The following EXOSC1 variants were observed in gnomAD, a reference collection of about 807,000 sequenced individuals.
The protein encoded by EXOSC1 is exosome component 1.
In EXOSC1, 27 loss-of-function variants were observed where a neutral mutation model predicts 31.4. That is an observed-to-expected ratio of 0.86 (90% CI 0.63 to 1.18). The LOEUF (loss-of-function observed/expected upper bound fraction) is 1.18. Ranked by LOEUF, EXOSC1 falls within the 50% of genes most tolerant of loss-of-function variation. The probability of loss-of-function intolerance (pLI) is 0.00; values close to 1 mark genes in which losing one functional copy is unlikely to be tolerated. For missense variants in EXOSC1, 228 were observed against 250.3 expected, an observed-to-expected ratio of 0.91 and a Z score of 0.60; for synonymous variants, 84 against 89.5, an observed-to-expected ratio of 0.94 and a Z score of 0.35.
At chr10:97,445,683 G>A in intron 2 of EXOSC1, 49 bp downstream of exon 2, 2 of 1,570,028 alleles carry the variant, frequency 1.3e-6, no homozygotes, top group East Asian at 2.3e-5. Flanking sequence ...GGAACTCAAG[G>A]GCAGCCTAAG....
At chr10:97,437,851 G>C in intron 5 of EXOSC1, 101 bp from the exon 6 acceptor site, 3 of 952,022 alleles carry the variant, frequency 3.2e-6, no homozygotes, top group Non-Finnish European at 5.0e-6. Flanking sequence ...TAATCCTGGA[G>C]GGTAGAAATC....
rs1296371352 is a variant in EXOSC1, at chr10:97,441,785, C to T, written c.223-526G>A. Among the ~76,000 whole-genome samples, 73 of 145,776 alleles carry T rather than the reference C, an allele frequency of 5.0e-4. No individual in the cohort carries two copies. In the Middle Eastern group the frequency reaches 0.029, roughly 58 times the overall value. On this transcript the variant is annotated intron_variant, in intron 3 of 7. Coordinates refer to ENST00000370902, the MANE Select transcript of EXOSC1 (RefSeq NM_016046.5). ...GATTACAGGTGTAAGCCACTGCATC[C>T]GGCTGGGTTTTTTTTTTTTTTTTTA... is the stretch of plus-strand genomic sequence containing the variant.
intron 5 of EXOSC1, 58 bp downstream of exon 5, chr10:97,438,612 A>G: frequency 6.5e-7 from 1 of 1,529,668 alleles, no homozygotes; most frequent in Non-Finnish European, 9.0e-7. Context: ...GCCTGAGATA[A>G]TACTTTTAAG....
chr10:97,436,425 A>G lies in EXOSC1; in HGVS notation c.*20T>C, dbSNP rs769017478. ...ACTCAGGAACAGCTTACCCCCTTCC[A>G]TAGGGTAAAAAGTGGCTTCTTAGGT... On this transcript the variant is annotated 3_prime_UTR_variant, in exon 8 of 8. Coordinates refer to ENST00000370902, the MANE Select transcript of EXOSC1 (RefSeq NM_016046.5). 1.3e-6 allele frequency: 2 copies of G among 1,570,608 alleles called. No individual in the cohort carries two copies. Among genetic ancestry groups the G allele is most frequent in the Non-Finnish European group, 1.8e-6 (2 of 1,141,118 alleles).
rs532581302 is a variant in EXOSC1, at chr10:97,442,523, T to TA, written c.222+713dup. 5.3e-5 allele frequency among the ~76,000 whole-genome samples: 8 copies of TA among 152,310 alleles called. No homozygotes were observed. In the South Asian group the frequency reaches 1.7e-3, roughly 32 times the overall value. ...CTAATGTGACTAAGGAAATCAATTT[T>TA]ATTTTTTTCTTGAGAGACAGAGTCT... On this transcript the variant is annotated intron_variant, in intron 3 of 7. Coordinates refer to ENST00000370902, the MANE Select transcript of EXOSC1 (RefSeq NM_016046.5).
At chr10:97,442,737 C>T (rs769920105) in intron 3 of EXOSC1, among the ~76,000 whole-genome samples, 1 of 152,096 alleles carries the variant, frequency 6.6e-6, no homozygotes, top group African/African-American at 2.4e-5. Context: ...CCAGGCTGGA[C>T]TGCTGTGACG....
In EXOSC1 at chr10:97,436,351, T is replaced by G. The variant is rs201390574; in HGVS notation, c.*94A>C. The G allele has an allele frequency of 5.0e-4, 450 of 899,364 alleles. No homozygotes were observed. Among genetic ancestry groups the G allele is most frequent in the Non-Finnish European group, 4.6e-5 (26 of 560,926 alleles). The allele number at this position is 899,364 out of a possible 1,614,324, so 55.7% of individuals were successfully genotyped here. A position where few individuals can be genotyped will look rare whatever the true frequency, so the allele number is the denominator to read the frequency against. ...TGGAAGATTTTTCTGGAAGTGGCTG[T>G]TGGCCGACGCCAGGTGTTTGAATAA... On this transcript the variant is annotated 3_prime_UTR_variant, in exon 8 of 8. Coordinates refer to ENST00000370902, the MANE Select transcript of EXOSC1 (RefSeq NM_016046.5).
In EXOSC1 at chr10:97,445,967, A is replaced by G. The variant is rs144055802; in HGVS notation, c.19T>C (p.Tyr7His). The G allele has an allele frequency of 1.2e-6, 2 of 1,614,092 alleles. No individual in the cohort carries two copies. The highest frequency in any genetic ancestry group is 1.3e-5 in the African/African-American group (1 of 74,928). The change falls in exon 1 of 8, where the codon TAC (tyrosine) becomes CAC (histidine). Residue 7 changes from tyrosine to histidine, a missense_variant. Transcript: ENST00000370902. MAPPVRYCIPGERLCNL... is the reference protein window; with the variant it reads MAPPVRHCIPGERLCNL... ...AGCGCTCACTTACCGGGGATGCAGT[A>G]TCTCACAGGTGGCGCCATGATTGCC... is the stretch of plus-strand genomic sequence containing the variant.
chr10:97,443,391 G>T, intron 2 of EXOSC1, 80 bp from the exon 3 acceptor site: 1 of 1,203,566 alleles, frequency 8.3e-7, no homozygotes, highest in Non-Finnish European at 1.2e-6. Flanking sequence ...AGTAATATAG[G>T]AATGTCTTGG....
chr10:97,441,019 G>T, intron 4 of EXOSC1, 152 bp downstream of exon 4: 2 of 560,626 alleles, frequency 3.6e-6, no homozygotes, highest in South Asian at 2.4e-5. Flanking sequence ...GTATTTTTTG[G>T]ATACTACTAG....
rs1430905377 is a variant in EXOSC1 at position 97,437,284 on chromosome 10, A to G, written c.397-9T>C. ...GCATCACCTAAGGAGATCTAGTCAC[A>G]TAACACCGGTGAAGGAAAATGAGGA... On this transcript the variant is annotated splice_polypyrimidine_tract_variant and intron_variant, in intron 6 of 7. Coordinates refer to ENST00000370902, the MANE Select transcript of EXOSC1 (RefSeq NM_016046.5). 15 of 1,609,384 alleles carry G rather than the reference A, an allele frequency of 9.3e-6. No homozygotes were observed. The highest frequency in any genetic ancestry group is 1.1e-5 in the South Asian group (1 of 90,868).
rs937077735 is a variant in EXOSC1 at position 97,438,704 on chromosome 10, C to G, written c.312-1G>C. 6.2e-7 allele frequency: 1 copy of G among 1,600,432 alleles called. No individual in the cohort carries two copies. The highest frequency in any genetic ancestry group is 8.5e-7 in the Non-Finnish European group (1 of 1,174,426). On this transcript the variant is annotated splice_acceptor_variant, in intron 4 of 7. Transcript: ENST00000370902. LOFTEE classifies it high-confidence loss of function. ...TTCAGTTGCTCGGACATCTTCCTTG[C>G]TATAAAAAAAGAATTAACAGAAAGA...
chr10:97,442,441 T>G (rs1429135131), intron 3 of EXOSC1, among the ~76,000 whole-genome samples: 1 of 152,230 alleles, frequency 6.6e-6, no homozygotes, highest in Non-Finnish European at 1.5e-5. Flanking sequence ...AAAAGTCATG[T>G]GCTGACCAGT....
intron 2 of EXOSC1, 120 bp downstream of exon 2, chr10:97,445,612 A>G: frequency 1.2e-6 from 1 of 840,696 alleles, no homozygotes. Flanking sequence ...AGAAACTAAG[A>G]GACCAACATT....
In EXOSC1 at chr10:97,443,235, A is replaced by C. The variant is rs747737708; in HGVS notation, c.222+2T>G. The stretch of plus-strand genomic sequence containing the variant: ...TAAGCATGGAGGTCAGGACCAACTT[A>C]CCTTACAGGTTACAATAGCTCCCAC... On this transcript the variant is annotated splice_donor_variant, in intron 3 of 7. Coordinates refer to ENST00000370902, the MANE Select transcript of EXOSC1 (RefSeq NM_016046.5). LOFTEE classifies it high-confidence loss of function. The C allele has an allele frequency of 1.9e-6, 3 of 1,613,422 alleles. No individual in the cohort carries two copies. In the East Asian group the frequency reaches 6.7e-5, roughly 36 times the overall value.
chr10:97,436,572 G>T, intron 7 of EXOSC1, 21 bp from the exon 8 acceptor site: 1 of 1,577,752 alleles, frequency 6.3e-7, no homozygotes, highest in African/African-American at 1.4e-5. Flanking sequence ...AAAGCTGGTG[G>T]TGGAGCCCAG....
Position 97,445,720 on chromosome 10 carries a change from C to T in EXOSC1, c.147+12G>A, listed in dbSNP as rs902997496. On this transcript the variant is annotated intron_variant, in intron 2 of 7. Transcript: ENST00000370902. ...GAAAAACAGAGGGGAGATGGCATGC[C>T]GCTTCCTTTACCGCGCCATTCTCGC... 8 of 1,611,318 alleles carry T rather than the reference C, an allele frequency of 5.0e-6. No individual in the cohort carries two copies. Among genetic ancestry groups the T allele is most frequent in the East Asian group, 2.2e-5 (1 of 44,796 alleles).
intron 5 of EXOSC1, 108 bp downstream of exon 5, chr10:97,438,562 C>T: frequency 7.7e-6 from 8 of 1,045,286 alleles, no homozygotes; most frequent in Middle Eastern, 2.1e-4. Flanking sequence ...GCCTCAGCCT[C>T]CCAAAGTACT....
chr10:97,441,293 T>C (rs2133151558), intron 3 of EXOSC1, 34 bp from the exon 4 acceptor site: 3 of 1,592,490 alleles, frequency 1.9e-6, no homozygotes, highest in African/African-American at 2.7e-5. Flanking sequence ...CATCAGAGTA[T>C]AAGCAGTTGT....
Sources: gnomAD v4.1 joint callset for allele counts (sites outside exome capture counted in the v4.1 genomes callset) on GRCh38, gnomAD v4.1.1 for gene constraint, MANE v1.5 for transcripts, NCBI Gene and HGNC (gene_info 2026-07-23, HGNC 2026-07-21) for gene names.